Variants in OSBPL10 observed in about 807,000 individuals in gnomAD.
OSBPL10 encodes oxysterol-binding protein-related protein 10.
A neutral mutation model predicts 81.7 loss-of-function variants in OSBPL10; 49 were observed. That is an observed-to-expected ratio of 0.60 (90% CI 0.48 to 0.76). The LOEUF (loss-of-function observed/expected upper bound fraction) is 0.76, where lower values mean the gene tolerates loss of function less well. Among genes scored for constraint, OSBPL10 ranks in the 30% least tolerant of loss-of-function variants. OSBPL10 has a pLI of 0.00. For missense variants in OSBPL10, 923 were observed against 987.8 expected, an observed-to-expected ratio of 0.93 and a Z score of 0.88; for synonymous variants, 419 against 383.6, an observed-to-expected ratio of 1.09 and a Z score of -1.08.
intron 4 of OSBPL10, among the ~76,000 whole-genome samples, chr3:31,808,641 A>G (rs1262108887): frequency 6.6e-6 from 1 of 152,254 alleles, no homozygotes; most frequent in Non-Finnish European, 1.5e-5. Flanking sequence ...CAAATTAAAT[A>G]GAAAGAAAAT....
chr3:31,963,000 C>A (rs989093612), intron 1 of OSBPL10, among the ~76,000 whole-genome samples: 1 of 152,116 alleles, frequency 6.6e-6, no homozygotes, highest in African/African-American at 2.4e-5. Context: ...TGGTGTGACT[C>A]CTGTTTCTCA....
At chr3:31,969,756 AAGGCAG>A (rs1698499124) in intron 1 of OSBPL10, among the ~76,000 whole-genome samples, 1 of 151,998 alleles carries the variant, frequency 6.6e-6, no homozygotes, top group Admixed American at 6.6e-5. Flanking sequence ...TCCGGAGGCT[AAGGCAG>A]GAGAATAGCT....
Position 31,662,131 on chromosome 3 carries a change from AG to A in OSBPL10, c.2251-16del. ...CAGCCATCGCCCTGCAAGAGAAGAA[AG>A]GAGGCATTATTACATGGAGACCTCT... On this transcript the variant is annotated splice_polypyrimidine_tract_variant and intron_variant, in intron 11 of 11. Transcript: ENST00000396556. 1 of 1,614,052 alleles carries A rather than the reference AG, an allele frequency of 6.2e-7. No individual in the cohort carries two copies. Among genetic ancestry groups the A allele is most frequent in the Non-Finnish European group, 8.5e-7 (1 of 1,179,974 alleles).
intron 1 of OSBPL10, among the ~76,000 whole-genome samples, chr3:31,947,983 G>A (rs561975875): frequency 2.0e-4 from 30 of 152,272 alleles, no homozygotes; most frequent in African/African-American, 7.0e-4. Flanking sequence ...ACTCCCAATC[G>A]TTGACTTCAC....
At chr3:31,978,015 G>A (rs1007772508) in intron 1 of OSBPL10, among the ~76,000 whole-genome samples, 1 of 152,066 alleles carries the variant, frequency 6.6e-6, no homozygotes, top group South Asian at 2.1e-4. Flanking sequence ...CCTTCCTAAG[G>A]GCATGAGGAT....
chr3:31,727,101 G>A (rs895817862), intron 6 of OSBPL10, among the ~76,000 whole-genome samples: 1 of 152,008 alleles, frequency 6.6e-6, no homozygotes, highest in Non-Finnish European at 1.5e-5. Context: ...CTAAAATGCT[G>A]GGACTACAGG....
At chr3:31,780,400 C>T (rs1277800562) in intron 4 of OSBPL10, among the ~76,000 whole-genome samples, 24 of 150,642 alleles carry the variant, frequency 1.6e-4, no homozygotes, top group Admixed American at 1.6e-3. Context: ...TCTAAGGTCA[C>T]AAACCTCAAG....
Position 31,735,121 on chromosome 3 carries a change from T to A in OSBPL10, c.941-1710A>T, listed in dbSNP as rs1471707200. Among the ~76,000 whole-genome samples the A allele has an allele frequency of 2.0e-5, 3 of 148,518 alleles. No homozygotes were observed. The East Asian group carries it at 5.8e-4, about 29-fold the overall frequency. On this transcript the variant is annotated intron_variant, in intron 5 of 11. Transcript: ENST00000396556. ...TCCTTTTTTAATGTCAAGTGTTAGG[T>A]CACATAACTCTACTGTTAAAAGCCT...
At chr3:32,009,033 G>T (rs935465036) in intron 2 of OSBPL10, among the ~76,000 whole-genome samples, 2 of 152,276 alleles carry the variant, frequency 1.3e-5, no homozygotes, top group African/African-American at 2.4e-5. Context: ...TTTACTCTTT[G>T]TACTTTTCTA....
intron 3 of OSBPL10, 147 bp from the exon 4 acceptor site, chr3:31,830,378 T>C (rs1349510891): frequency 2.6e-6 from 2 of 775,176 alleles, no homozygotes; most frequent in Non-Finnish European, 2.0e-6. Flanking sequence ...CAACACTGCA[T>C]GCCCAAATCC....
intron 4 of OSBPL10, among the ~76,000 whole-genome samples, chr3:31,752,552 C>T (rs1697752973): frequency 6.6e-6 from 1 of 152,110 alleles, no homozygotes; most frequent in African/African-American, 2.4e-5. Flanking sequence ...TAAACAATAA[C>T]ACATGCGTTA....
chr3:31,723,069 C>T (rs17028107), intron 6 of OSBPL10, among the ~76,000 whole-genome samples: 6,893 of 152,200 alleles, frequency 0.045, 505 homozygotes, highest in African/African-American at 0.16. Flanking sequence ...CCTTCTCCTT[C>T]GCATGGCTGT....
At chr3:31,942,789 C>T (rs1306887474) in intron 1 of OSBPL10, among the ~76,000 whole-genome samples, 1 of 152,112 alleles carries the variant, frequency 6.6e-6, no homozygotes, top group African/African-American at 2.4e-5. Context: ...ATAGCAAACA[C>T]ACAATTAGCT....
At chr3:31,847,777 G>A (rs1410611044) in intron 3 of OSBPL10, among the ~76,000 whole-genome samples, 1 of 152,106 alleles carries the variant, frequency 6.6e-6, no homozygotes, top group Non-Finnish European at 1.5e-5. Flanking sequence ...AACAGCCAAG[G>A]AGAGGGAGGC....
intron 1 of OSBPL10, among the ~76,000 whole-genome samples, chr3:32,076,367 C>CA (rs1290038077): frequency 0.018 from 2,492 of 136,932 alleles, 42 homozygotes; most frequent in African/African-American, 0.046. Flanking sequence ...GACTCCATCT[C>CA]AAAAAAAAAA....
intron 4 of OSBPL10, among the ~76,000 whole-genome samples, chr3:31,773,631 C>A (rs886243937): frequency 6.6e-6 from 1 of 152,158 alleles, no homozygotes; most frequent in Non-Finnish European, 1.5e-5. Context: ...ACTTGCTTCT[C>A]CATCCCCTGT....
At chr3:32,073,368 C>T (rs552078298) in intron 1 of OSBPL10, among the ~76,000 whole-genome samples, 1 of 152,124 alleles carries the variant, frequency 6.6e-6, no homozygotes, top group Non-Finnish European at 1.5e-5. Context: ...AACTCTACAA[C>T]CTCGATGGAC....
Position 31,747,826 on chromosome 3 carries a change from A to G in OSBPL10, c.940+84T>C. 4.4e-6 allele frequency: 6 copies of G among 1,363,682 alleles called. No individual in the cohort carries two copies. In the South Asian group the frequency reaches 7.0e-5, roughly 16 times the overall value. 84.5% of individuals were successfully genotyped at this position (1,363,682 alleles called of 1,614,324 possible). A position where few individuals can be genotyped will look rare whatever the true frequency, so the allele number is the denominator to read the frequency against. On this transcript the variant is annotated intron_variant, in intron 5 of 11. Coordinates refer to ENST00000396556, the MANE Select transcript of OSBPL10 (RefSeq NM_017784.5). ...AGATGGATGGATCGTAGAGAAATGG[A>G]TGGAATTAAAGGAGGAAGACAGTGG...
chr3:32,050,310 C>G (rs1359978637), intron 1 of OSBPL10, among the ~76,000 whole-genome samples: 1 of 152,204 alleles, frequency 6.6e-6, no homozygotes, highest in Non-Finnish European at 1.5e-5. Flanking sequence ...CTAAGGCTTT[C>G]TTTTCACAAC....
Sources: gnomAD v4.1 joint callset for allele counts (sites outside exome capture counted in the v4.1 genomes callset) on GRCh38, gnomAD v4.1.1 for gene constraint, MANE v1.5 for transcripts, NCBI Gene and HGNC (gene_info 2026-07-23, HGNC 2026-07-21) for gene names.